PTPRS: variants seen among roughly 807,000 people sequenced by gnomAD.
The protein encoded by PTPRS is protein tyrosine phosphatase receptor type S.
A neutral mutation model predicts 215.3 loss-of-function variants in PTPRS; 63 were observed. The ratio of observed to expected loss-of-function variants is 0.29; its 90% confidence interval spans 0.24 to 0.36. PTPRS has a LOEUF of 0.36. Ranked by LOEUF, PTPRS falls within the 10% of genes least tolerant of loss-of-function variation. The probability of loss-of-function intolerance (pLI) is 1.00; values close to 1 mark genes in which losing one functional copy is unlikely to be tolerated. For synonymous variants in PTPRS, 1,404 were observed against 1,191.4 expected, an observed-to-expected ratio of 1.18 and a Z score of -3.68; for missense variants, 2,258 against 2,825.8, an observed-to-expected ratio of 0.80 and a Z score of 4.56.
chr19:5,234,272 T>A (rs569965181), intron 13 of PTPRS, among the ~76,000 whole-genome samples: 1 of 152,358 alleles, frequency 6.6e-6, no homozygotes, highest in East Asian at 1.9e-4. Context: ...TTGGCCTCAC[T>A]TGAAAATAAT....
rs1482411453 is a variant in PTPRS, at chr19:5,212,389, T to C, written c.4717A>G (p.Arg1573Gly). Residue 1573 changes from arginine (R) to glycine (G), a missense_variant, in exon 31 of 38, where the codon AGA becomes GGA. Physicochemically the swap from Arg to Gly is moderately radical, Grantham distance 125 (BLOSUM62 -2). Around this residue, in one of 6 missense-constraint regions of PTPRS, gnomAD observed 927 missense variants for 1,125.9 expected, o/e 0.82. Coordinates refer to ENST00000262963, the MANE Select transcript of PTPRS (RefSeq NM_002850.4). ...TCTGGCGGGTTGCAGGTCTTGACTC[T>C]CCGCAGGAAAGCCAGGAAGGGCGTT... ...YPTPFLAFLRRVKTCNPPDAG... is the reference protein window; with the variant it reads ...YPTPFLAFLRGVKTCNPPDAG... 3 of 1,608,078 alleles carry C rather than the reference T, an allele frequency of 1.9e-6. No homozygotes were observed. The highest frequency in any genetic ancestry group is 2.5e-6 in the Non-Finnish European group (3 of 1,177,212).
chr19:5,272,292 C>A (rs529598875), intron 4 of PTPRS, among the ~76,000 whole-genome samples: 12 of 152,122 alleles, frequency 7.9e-5, no homozygotes, highest in Admixed American at 6.6e-4. Context: ...AAACCCCTTG[C>A]GACTTGTTCA....
intron 9 of PTPRS, among the ~76,000 whole-genome samples, chr19:5,251,549 AGACACGGGGCTTTCCAAAT>A (rs1168382638): frequency 6.7e-6 from 1 of 148,496 alleles, no homozygotes; most frequent in Non-Finnish European, 1.5e-5. Flanking sequence ...TGGCCGCCGG[AGACACGGGGCTTTCCAAAT>A]GACAAGGTGT....
At position 5,261,160 on chromosome 19, in the gene PTPRS, T is replaced by C. The variant is rs925274331; in HGVS notation, c.578-338A>G. Among the ~76,000 whole-genome samples, 4 of 152,092 alleles carry C rather than the reference T, an allele frequency of 2.6e-5. No homozygotes were observed. In the East Asian group the frequency reaches 7.7e-4, roughly 29 times the overall value. ...GGGAAGGTCTGTCAGCCTGGCCCTT[T>C]GGTGGCCTTCCCTCTGGGCTGAGGG... is the stretch of plus-strand genomic sequence containing the variant. On this transcript the variant is annotated intron_variant, in intron 6 of 37. Coordinates refer to ENST00000262963, the MANE Select transcript of PTPRS (RefSeq NM_002850.4).
intron 6 of PTPRS, 142 bp downstream of exon 6, chr19:5,262,822 G>C (rs1420334384): frequency 2.3e-6 from 2 of 877,910 alleles, no homozygotes; most frequent in Non-Finnish European, 3.6e-6. Flanking sequence ...GGAGGAGGGA[G>C]AGGGCGTTAG....
At chr19:5,240,376 C>G in intron 11 of PTPRS, 44 bp from the exon 12 acceptor site, 1 of 1,529,880 alleles carries the variant, frequency 6.5e-7, no homozygotes, top group Non-Finnish European at 8.8e-7. Flanking sequence ...GGAGCGTCCA[C>G]CCCACAAAGG....
chr19:5,239,177 G>C, intron 12 of PTPRS, 114 bp from the exon 13 acceptor site: 8 of 723,334 alleles, frequency 1.1e-5, no homozygotes, highest in Non-Finnish European at 1.8e-5. Flanking sequence ...GAGAGAGAGA[G>C]AGAGAGAGAG....
chr19:5,206,060 TAAAAAA>T lies in PTPRS; in HGVS notation c.*708_*713del, dbSNP rs545658474. ...CACACTTTCTGATGGTAGGAAAAAT[TAAAAAA>T]AAAAAAAAAAAAAAAAAAGCCAAGG... On this transcript the variant is annotated 3_prime_UTR_variant, in exon 38 of 38. Coordinates refer to ENST00000262963, the MANE Select transcript of PTPRS (RefSeq NM_002850.4). 2.8e-5 allele frequency among the ~76,000 whole-genome samples: 2 copies of T among 70,258 alleles called. No homozygotes were observed. The highest frequency in any genetic ancestry group is 5.7e-5 in the Non-Finnish European group (2 of 34,806). The allele number at this position is 70,258 out of a possible 152,430, so 46.1% of individuals were successfully genotyped here. A position where few individuals can be genotyped will look rare whatever the true frequency, so the allele number is the denominator to read the frequency against.
At chr19:5,218,950 T>C in intron 23 of PTPRS, 152 bp from the exon 24 acceptor site, 1 of 828,528 alleles carries the variant, frequency 1.2e-6, no homozygotes. Flanking sequence ...TCATATTTCC[T>C]GTTTGTCCCC....
intron 1 of PTPRS, among the ~76,000 whole-genome samples, chr19:5,321,165 C>T (rs1197849590): frequency 1.3e-5 from 2 of 151,962 alleles, no homozygotes; most frequent in East Asian, 1.9e-4. Context: ...CCCAGCTGCT[C>T]AGGGGGCTGA....
intron 2 of PTPRS, 36 bp from the exon 3 acceptor site, chr19:5,274,380 G>A: frequency 1.3e-6 from 2 of 1,598,586 alleles, no homozygotes; most frequent in Non-Finnish European, 1.7e-6. Flanking sequence ...GGGCGCTGAT[G>A]GGTCCAGGCA....
intron 16 of PTPRS, 129 bp downstream of exon 16, chr19:5,229,187 G>T: frequency 9.5e-7 from 1 of 1,054,804 alleles, no homozygotes. Context: ...GGAGAGCGAG[G>T]GGCGCATGGG....
chr19:5,254,551 T>C (rs1209303321), intron 9 of PTPRS, among the ~76,000 whole-genome samples: 1 of 149,738 alleles, frequency 6.7e-6, no homozygotes, highest in Non-Finnish European at 1.5e-5. Context: ...AGAAAGAGAG[T>C]TGAAAAAGAG....
chr19:5,231,257 CG>C, intron 14 of PTPRS, 52 bp downstream of exon 14: 1 of 1,524,284 alleles, frequency 6.6e-7, no homozygotes, highest in South Asian at 1.2e-5. Context: ...GGCTTCGAGG[CG>C]GGGGCCGGGC....
chr19:5,293,312 G>A lies in PTPRS; in HGVS notation c.-94-7078C>T, dbSNP rs1450428427. 6.6e-6 allele frequency: 1 copy of A among 151,130 alleles called. No individual in the cohort carries two copies. The highest frequency in any genetic ancestry group is 1.5e-5 in the Non-Finnish European group (1 of 67,592). The allele number at this position is 151,130 out of a possible 1,614,324, so 9.4% of individuals were successfully genotyped here. On this transcript the variant is annotated intron_variant, in intron 1 of 37. Coordinates refer to ENST00000262963, the MANE Select transcript of PTPRS (RefSeq NM_002850.4). This position sits in a 1 kb window ranked among gnomAD's most constrained non-coding sequence, Gnocchi z 8.4. The stretch of plus-strand genomic sequence containing the variant: ...GGGGCAAGGGGCGGGGCTGTAGGGG[G>A]CGGGGTTGCAGTGGGCGGGGCTGCA...
rs1420232605 is a variant in PTPRS, at chr19:5,215,345, C to T, written c.4262G>A (p.Arg1421His). 2.5e-6 allele frequency: 4 copies of T among 1,613,998 alleles called. No individual in the cohort carries two copies. The highest frequency in any genetic ancestry group is 1.7e-5 in the Admixed American group (1 of 59,998). Residue 1421 changes from arginine (R) to histidine (H), a missense_variant, in exon 28 of 38, where the codon CGC becomes CAC. Physicochemically the swap from Arg to His is conservative, Grantham distance 29. Coordinates refer to ENST00000262963, the MANE Select transcript of PTPRS (RefSeq NM_002850.4). ...SNLEVNKPKNRYANVIAYDHS... is the reference protein window; with the variant it reads ...SNLEVNKPKNHYANVIAYDHS... ...GTCATAGGCGATGACGTTGGCATAG[C>T]GGTTCTTCGGCTTGTTCACTTCCAG...
intron 1 of PTPRS, among the ~76,000 whole-genome samples, chr19:5,314,942 A>G (rs1396555472): frequency 6.6e-6 from 1 of 152,218 alleles, no homozygotes; most frequent in Non-Finnish European, 1.5e-5. Flanking sequence ...TTTGGGACTG[A>G]GGACAGTTCC....
In PTPRS at chr19:5,220,053, T is replaced by G; in HGVS notation, c.3651A>C (p.Pro1217=). The change falls in exon 22 of 38, where the codon CCA becomes CCC. Residue 1217 remains proline (P), a synonymous_variant. Transcript: ENST00000262963. The part of the protein sequence containing the change: ...PYIAARFSVL[P]PTFHPGDQKQ... ...TCTGGTCGCCGGGATGGAACGTGGGTGGCAGCACAGAGAAGCGAGCTGCAA... is the reference window on the plus strand; with the variant it reads ...TCTGGTCGCCGGGATGGAACGTGGGGGGCAGCACAGAGAAGCGAGCTGCAA... The G allele has an allele frequency of 6.2e-7, 1 of 1,613,986 alleles. No homozygotes were observed. Among genetic ancestry groups the G allele is most frequent in the Admixed American group, 1.7e-5 (1 of 60,018 alleles).
chr19:5,265,601 C>T (rs2046343800), intron 4 of PTPRS, among the ~76,000 whole-genome samples: 1 of 151,882 alleles, frequency 6.6e-6, no homozygotes, highest in East Asian at 1.9e-4. Context: ...TTCTGCCTCC[C>T]AAAGCACTGG....
Sources: allele counts gnomAD v4.1 joint callset (sites outside exome capture counted in the v4.1 genomes callset), GRCh38; gene constraint gnomAD v4.1.1; regional missense constraint gnomAD v4.1.1; non-coding constraint Gnocchi (gnomAD v3.1); transcripts MANE v1.5; gene names NCBI Gene and HGNC (gene_info 2026-07-23, HGNC 2026-07-21).